The following C10orf67 variants were observed in gnomAD, a reference collection of about 807,000 sequenced individuals.
C10orf67 encodes uncharacterized protein C10orf67, mitochondrial.
Under a neutral mutation model 35.6 loss-of-function variants are expected in C10orf67, and 60 were observed. That is an observed-to-expected ratio of 1.68 (90% confidence interval 1.37 to 2.09). C10orf67 has a LOEUF of 2.09. Among genes scored for constraint, C10orf67 ranks in the 30% most tolerant of loss-of-function variants. C10orf67 has a pLI of 0.00. For missense variants in C10orf67, 474 were observed against 330.2 expected (o/e 1.44, Z -3.38); for synonymous variants, 167 against 115.8 (o/e 1.44, Z -2.84).
intron 10 of C10orf67, among the ~76,000 whole-genome samples, chr10:23,257,099 A>G (rs1842621210): frequency 6.6e-6 from 1 of 152,188 alleles, no homozygotes; most frequent in Admixed American, 6.5e-5. Context: ...GGAGAAGGGA[A>G]TGGTAATTGT....
Position 23,204,261 on chromosome 10 carries a change from C to T in C10orf67, c.1571-6G>A. On this transcript the variant is annotated splice_region_variant and splice_polypyrimidine_tract_variant and intron_variant, in intron 15 of 15. Transcript: ENST00000636213. ...TGGGGATTCCGACAACTTCCCTAAA[C>T]GTGAAGAAAGGTGGACAGACATAAA... 1 of 636,872 alleles carries T rather than the reference C, an allele frequency of 1.6e-6. No homozygotes were observed. 39.5% of individuals were successfully genotyped at this position (636,872 alleles called of 1,614,324 possible).
chr10:23,274,052 C>T (rs144931680), intron 8 of C10orf67, among the ~76,000 whole-genome samples: 34 of 152,052 alleles, frequency 2.2e-4, no homozygotes, highest in East Asian at 5.8e-4. Context: ...ACCGTGATGG[C>T]GCCCCCGAGC....
At chr10:23,325,864 T>G (rs939764278) in intron 2 of C10orf67, among the ~76,000 whole-genome samples, 3 of 151,932 alleles carry the variant, frequency 2.0e-5, no homozygotes, top group Middle Eastern at 3.4e-3. Flanking sequence ...AAACAGAAAA[T>G]TTTGATAAAG....
chr10:23,309,998 A>G (rs1457816003), intron 4 of C10orf67, among the ~76,000 whole-genome samples: 1 of 152,018 alleles, frequency 6.6e-6, no homozygotes, highest in Non-Finnish European at 1.5e-5. Flanking sequence ...CAATGAATTC[A>G]TTTTTCTTCA....
At chr10:23,322,206 A>G (rs1844982198) in intron 3 of C10orf67, among the ~76,000 whole-genome samples, 188 bp downstream of exon 3, 1 of 152,220 alleles carries the variant, frequency 6.6e-6, no homozygotes, top group South Asian at 2.1e-4. Flanking sequence ...GAATTAAATC[A>G]GTTCATATGC....
chr10:23,209,998 T>TAAAA (rs59247961), intron 15 of C10orf67, among the ~76,000 whole-genome samples: 2 of 67,210 alleles, frequency 3.0e-5, no homozygotes, highest in Non-Finnish European at 5.6e-5. Flanking sequence ...AGACCTTGGC[T>TAAAA]AAAAAAAAAA....
intron 15 of C10orf67, among the ~76,000 whole-genome samples, chr10:23,217,608 T>C (rs969709031): frequency 2.0e-5 from 3 of 152,184 alleles, no homozygotes; most frequent in South Asian, 2.1e-4. Flanking sequence ...GAGATCATTG[T>C]CACAGGGTAG....
chr10:23,226,049 G>T (rs916257474), intron 13 of C10orf67, among the ~76,000 whole-genome samples: 9 of 152,040 alleles, frequency 5.9e-5, no homozygotes, highest in African/African-American at 2.2e-4. Flanking sequence ...AAGTTAACAA[G>T]GATATCCAGG....
At chr10:23,322,920 T>C (rs868293704) in intron 2 of C10orf67, among the ~76,000 whole-genome samples, 15 of 152,130 alleles carry the variant, frequency 9.9e-5, no homozygotes, top group Admixed American at 2.0e-4. Flanking sequence ...GTGTAAAAAT[T>C]CCAATTCATT....
At chr10:23,230,291 C>G (rs1489337156) in intron 13 of C10orf67, among the ~76,000 whole-genome samples, 2 of 152,024 alleles carry the variant, frequency 1.3e-5, no homozygotes, top group African/African-American at 4.8e-5. Context: ...GTCTATCTCT[C>G]TATACACTAA....
intron 10 of C10orf67, among the ~76,000 whole-genome samples, chr10:23,265,826 A>G (rs988411790): frequency 3.3e-5 from 5 of 152,186 alleles, no homozygotes; most frequent in Non-Finnish European, 7.4e-5. Context: ...AGCAGCATAG[A>G]GTTCATGCAT....
At chr10:23,273,863 G>A (rs539390359) in intron 8 of C10orf67, among the ~76,000 whole-genome samples, 16 of 152,280 alleles carry the variant, frequency 1.1e-4, no homozygotes, top group East Asian at 3.9e-4. Flanking sequence ...TGAAGTCCAC[G>A]TAGTTGTTTT....
intron 7 of C10orf67, among the ~76,000 whole-genome samples, chr10:23,286,452 G>GGGGAA (rs1345489465): frequency 1.0e-4 from 6 of 58,098 alleles, no homozygotes; most frequent in Non-Finnish European, 7.1e-5. Context: ...GGTGAGGGGA[G>GGGGAA]GGGAAGGGAA....
At chr10:23,297,230 C>CCCTTTCCTTTCCTTT (rs55638393) in intron 5 of C10orf67, among the ~76,000 whole-genome samples, 26,084 of 145,482 alleles carry the variant, frequency 0.18, 3,160 homozygotes, top group Non-Finnish European at 0.26. Flanking sequence ...CTTTCTATTT[C>CCCTTTCCTTTCCTTT]CCTTTCCTTT....
chr10:23,275,331 A>G (rs1391974973), intron 8 of C10orf67, among the ~76,000 whole-genome samples: 1 of 152,134 alleles, frequency 6.6e-6, no homozygotes, highest in Non-Finnish European at 1.5e-5. Flanking sequence ...AAAAACAAGC[A>G]AACTAACTAA....
intron 8 of C10orf67, among the ~76,000 whole-genome samples, chr10:23,281,764 A>G (rs1019229460): frequency 4.6e-5 from 7 of 152,316 alleles, no homozygotes; most frequent in Admixed American, 1.3e-4. Context: ...AATTTTATAC[A>G]TGGTTTTAAA....
intron 3 of C10orf67, 132 bp downstream of exon 3, chr10:23,322,262 T>C: frequency 2.2e-6 from 1 of 461,182 alleles, no homozygotes; most frequent in South Asian, 5.0e-5. Context: ...CTCTGTGTAT[T>C]AATTACCACA....
chr10:23,228,284 C>A (rs530580122), intron 13 of C10orf67, among the ~76,000 whole-genome samples: 5 of 152,166 alleles, frequency 3.3e-5, no homozygotes, highest in African/African-American at 1.2e-4. Context: ...GAAATAATAC[C>A]ACACATCTAC....
chr10:23,335,101 T>C (rs1319853139), intron 1 of C10orf67, among the ~76,000 whole-genome samples: 1 of 150,002 alleles, frequency 6.7e-6, no homozygotes, highest in Non-Finnish European at 1.5e-5. Context: ...GGGACAAGAA[T>C]AGCTTGAACC....
Sources: gnomAD v4.1 joint callset for allele counts (sites outside exome capture counted in the v4.1 genomes callset) on GRCh38, gnomAD v4.1.1 for gene constraint, MANE v1.5 for transcripts, NCBI Gene and HGNC (gene_info 2026-07-23, HGNC 2026-07-21) for gene names.